Variants in KCNH2 observed in about 807,000 individuals in gnomAD.
KCNH2 encodes voltage-gated inwardly rectifying potassium channel KCNH2.
In KCNH2, 35 loss-of-function variants were observed where a neutral mutation model predicts 95.9. The ratio of observed to expected loss-of-function variants is 0.37; its 90% CI spans 0.28 to 0.48. The LOEUF (loss-of-function observed/expected upper bound fraction) is 0.48. KCNH2 is among the 20% of genes least tolerant of loss of function. The pLI is 0.99. For missense variants in KCNH2, 1,274 were observed against 1,702.9 expected (o/e 0.75, Z 4.43); for synonymous variants, 786 against 754.7 (o/e 1.04, Z -0.68).
intron 9 of KCNH2, chr7:150,949,312 C>T (rs1584848585): frequency 7.2e-7 from 1 of 1,385,290 alleles, no homozygotes; most frequent in African/African-American, 1.5e-5. Flanking sequence ...TACCCCAAAC[C>T]CCAGGTCCCA....
intron 2 of KCNH2, among the ~76,000 whole-genome samples, chr7:150,973,118 G>C (rs139775889): frequency 6.6e-6 from 1 of 152,236 alleles, no homozygotes. Flanking sequence ...AACTTGTCCA[G>C]TAGTGTATAA....
rs531965822 is a variant in KCNH2, at chr7:150,945,343, G to T, written c.*22C>A. ...GCGCCTTGATCCCTGGGTGAGCCACGTGTCCACACTGGGCAGCCCCACTAA... is the reference window on the plus strand; with the variant it reads ...GCGCCTTGATCCCTGGGTGAGCCACTTGTCCACACTGGGCAGCCCCACTAA... On this transcript the variant is annotated 3_prime_UTR_variant, in exon 15 of 15. Transcript: ENST00000262186. The surrounding 1 kb of genome is among the most constrained non-coding windows in gnomAD (Gnocchi z 5.6). The T allele has an allele frequency of 5.7e-6, 9 of 1,578,340 alleles. No homozygotes were observed. Among genetic ancestry groups the T allele is most frequent in the East Asian group, 2.3e-5 (1 of 42,956 alleles).
intron 2 of KCNH2, among the ~76,000 whole-genome samples, chr7:150,971,721 G>C (rs141982640): frequency 6.6e-6 from 1 of 151,848 alleles, no homozygotes; most frequent in Non-Finnish European, 1.5e-5. Context: ...GCAGGCAGAA[G>C]ACAAAGGCAA....
chr7:150,953,539 C>T (rs144816547), intron 5 of KCNH2, among the ~76,000 whole-genome samples: 79 of 152,262 alleles, frequency 5.2e-4, no homozygotes, highest in African/African-American at 1.7e-3. Context: ...TACAGAGGGA[C>T]GTGCACACAG....
chr7:150,972,390 A>G (rs1801863791), intron 2 of KCNH2, among the ~76,000 whole-genome samples: 3 of 152,194 alleles, frequency 2.0e-5, no homozygotes. Context: ...ACACACAGGC[A>G]CGCACACACG....
In KCNH2 at chr7:150,950,309, C is replaced by A. The variant is rs199472991; in HGVS notation, c.2257G>T (p.Ala753Ser). The change falls in exon 9 of 15, where the codon GCC (alanine) becomes TCC (serine). Residue 753 changes from alanine to serine, a missense_variant. By Grantham distance (99) the Ala-to-Ser change is moderately conservative. Around this residue, in one of 7 missense-constraint regions of KCNH2, gnomAD observed 159 missense variants for 282.5 expected, o/e 0.56. Coordinates refer to ENST00000262186, the MANE Select transcript of KCNH2 (RefSeq NM_000238.4). ...FRGATKGCLR[A>S]LAMKFKTTHA... Reference sequence around the variant, plus strand: ...GTGGTCTTGAACTTCATGGCCAGGGCCCGAAGGCAGCCCTTGGTGGCCCCT... The same window carrying A: ...GTGGTCTTGAACTTCATGGCCAGGGACCGAAGGCAGCCCTTGGTGGCCCCT... 2.5e-6 allele frequency: 4 copies of A among 1,613,678 alleles called. No individual in the cohort carries two copies. The highest frequency in any genetic ancestry group is 2.5e-6 in the Non-Finnish European group (3 of 1,180,000).
intron 7 of KCNH2, 85 bp from the exon 8 acceptor site, chr7:150,951,205 C>A: frequency 8.2e-7 from 1 of 1,224,408 alleles, no homozygotes; most frequent in Non-Finnish European, 1.2e-6. Flanking sequence ...CGCACCAGGT[C>A]AGTGTCTCAG....
Position 150,945,593 on chromosome 7 carries a change from G to T in KCNH2, c.3331-79C>A, listed in dbSNP as rs980223397. 7.0e-7 allele frequency: 1 copy of T among 1,429,652 alleles called. No homozygotes were observed. Among genetic ancestry groups the T allele is most frequent in the South Asian group, 1.2e-5 (1 of 81,694 alleles). 88.6% of individuals were successfully genotyped at this position (1,429,652 alleles called of 1,614,324 possible). A position where few individuals can be genotyped will look rare whatever the true frequency, so the allele number is the denominator to read the frequency against. ...GGGAGGGAAAGGGGCAGGAGAACCCGGGGACAGAGGATGGACGGGAGGACA... is the reference window on the plus strand; with the variant it reads ...GGGAGGGAAAGGGGCAGGAGAACCCTGGGACAGAGGATGGACGGGAGGACA... On this transcript the variant is annotated intron_variant, in intron 14 of 14. Transcript: ENST00000262186. This position sits in a 1 kb window ranked among gnomAD's most constrained non-coding sequence, Gnocchi z 5.6.
rs1336631581 is a variant in KCNH2, at chr7:150,958,415, C to G, written c.560G>C (p.Gly187Ala). 1.4e-6 allele frequency: 2 copies of G among 1,434,684 alleles called. No homozygotes were observed. Among genetic ancestry groups the G allele is most frequent in the Non-Finnish European group, 1.8e-6 (2 of 1,103,582 alleles). The allele number at this position is 1,434,684 out of a possible 1,614,324, so 88.9% of individuals were successfully genotyped here. A position where few individuals can be genotyped will look rare whatever the true frequency, so the allele number is the denominator to read the frequency against. Residue 187 changes from glycine (G) to alanine (A), a missense_variant, in exon 4 of 15, where the codon GGC (glycine) becomes GCC (alanine). Physicochemically the swap from Gly to Ala is moderately conservative, Grantham distance 60 (BLOSUM62 0). Transcript: ENST00000262186. ...CACCACGGCCCCCGGGGCGCCCGCGCCGCCCGCGCCGCCCGACCGCACCGA... is the reference window on the plus strand; with the variant it reads ...CACCACGGCCCCCGGGGCGCCCGCGGCGCCCGCGCCGCCCGACCGCACCGA... Reference protein sequence around the residue: ...ESSVRSGGAGGAGAPGAVVVD... With the variant: ...ESSVRSGGAGAAGAPGAVVVD...
chr7:150,954,373 T>A (rs943995710), intron 5 of KCNH2, among the ~76,000 whole-genome samples: 4 of 151,928 alleles, frequency 2.6e-5, no homozygotes, highest in Admixed American at 2.0e-4. Flanking sequence ...AGGTCAAGCC[T>A]CTGGGCGGAG....
At chr7:150,949,329 C>A (rs1801044702) in intron 9 of KCNH2, 2 of 1,363,878 alleles carry the variant, frequency 1.5e-6, no homozygotes, top group Non-Finnish European at 1.9e-6. Flanking sequence ...CCCAAACACC[C>A]TCTTAGCCAA....
intron 5 of KCNH2, chr7:150,955,607 G>A: frequency 7.0e-7 from 1 of 1,437,578 alleles, no homozygotes; most frequent in Admixed American, 2.8e-5. Flanking sequence ...GCACCCCCGA[G>A]GCTGGCCGAC....
Position 150,947,907 on chromosome 7 carries a change from G to C in KCNH2, c.2693-29C>G, listed in dbSNP as rs996210443. The stretch of plus-strand genomic sequence containing the variant: ...TGGGAAACAGAGAATGGGCCTCAGA[G>C]AGGGGAGGAGAACAGAGAGGAGGGG... On this transcript the variant is annotated intron_variant, in intron 11 of 14. Transcript: ENST00000262186. 10 of 1,527,554 alleles carry C rather than the reference G, an allele frequency of 6.5e-6. No homozygotes were observed. In the African/African-American group the frequency reaches 1.4e-4, roughly 21 times the overall value. The allele number at this position is 1,527,554 out of a possible 1,614,324, so 94.6% of individuals were successfully genotyped here. A position where few individuals can be genotyped will look rare whatever the true frequency, so the allele number is the denominator to read the frequency against.
chr7:150,957,267 A>C, intron 5 of KCNH2, 24 bp downstream of exon 5: 1 of 1,543,100 alleles, frequency 6.5e-7, no homozygotes, highest in Non-Finnish European at 8.8e-7. Context: ...AGGTGAGAGG[A>C]GAGCCCGGCC....
Position 150,957,631 on chromosome 7 carries a change from G to A in KCNH2, c.917-129C>T, listed in dbSNP as rs527291171. 1,004 of 738,366 alleles carry A rather than the reference G, an allele frequency of 1.4e-3. 15 individuals are homozygous for A. The South Asian group carries it at 0.015, about 11-fold the overall frequency. 45.7% of individuals were successfully genotyped at this position (738,366 alleles called of 1,614,324 possible). A position where few individuals can be genotyped will look rare whatever the true frequency, so the allele number is the denominator to read the frequency against. Reference sequence around the variant, plus strand: ...CCATGGGGTCAGCTCAAGAGACCAGGGGAGTCACAAGAAACAAGAGAGGTC... The same window carrying A: ...CCATGGGGTCAGCTCAAGAGACCAGAGGAGTCACAAGAAACAAGAGAGGTC... On this transcript the variant is annotated intron_variant, in intron 4 of 14. Transcript: ENST00000262186.
chr7:150,965,277 A>C lies in KCNH2; in HGVS notation c.308-5541T>G, dbSNP rs555569650. Reference sequence around the variant, plus strand: ...TTTATAGGGTCTTGGGGGCCGCTGTAGTCATCTAGACCCACCCAAATCCAC... The same window carrying C: ...TTTATAGGGTCTTGGGGGCCGCTGTCGTCATCTAGACCCACCCAAATCCAC... On this transcript the variant is annotated intron_variant, in intron 2 of 14. Coordinates refer to ENST00000262186, the MANE Select transcript of KCNH2 (RefSeq NM_000238.4). 9.4e-4 allele frequency among the ~76,000 whole-genome samples: 143 copies of C among 152,222 alleles called. 1 individual carries two copies. The highest frequency in any genetic ancestry group is 3.2e-3 in the African/African-American group (131 of 41,522).
At position 150,952,554 on chromosome 7, in the gene KCNH2, G is replaced by C; in HGVS notation, c.1428C>G (p.Val476=). 6.2e-7 allele frequency: 1 copy of C among 1,614,244 alleles called. No homozygotes were observed. Among genetic ancestry groups the C allele is most frequent in the South Asian group, 1.1e-5 (1 of 91,084 alleles). ...GGCTGACCACCTCCTCGTTGGCATTGACGTAGGTGGTGCGGAAGTTGATGA... is the reference window on the plus strand; with the variant it reads ...GGCTGACCACCTCCTCGTTGGCATTCACGTAGGTGGTGCGGAAGTTGATGA... ...DILINFRTTY[V]NANEEVVSHP... Residue 476 remains valine, a synonymous_variant, in exon 6 of 15, where the codon GTC becomes GTG. Coordinates refer to ENST00000262186, the MANE Select transcript of KCNH2 (RefSeq NM_000238.4). This position sits in a 1 kb window ranked among gnomAD's most constrained non-coding sequence, Gnocchi z 7.3.
In KCNH2 at chr7:150,947,393, G is replaced by A; in HGVS notation, c.3087C>T (p.Ser1029=). The change falls in exon 13 of 15, where the codon AGC becomes AGT. Residue 1029 remains serine, a synonymous_variant. Coordinates refer to ENST00000262186, the MANE Select transcript of KCNH2 (RefSeq NM_000238.4). ...CGTCGCCCCGGGGCCGCCGACCCGG[G>A]CTGGAGAGGGGGATGTTGAGGAGGC... ...TPSLLNIPLS[S]PGRRPRGDVE... The A allele has an allele frequency of 1.3e-6, 2 of 1,550,582 alleles. No homozygotes were observed. Among genetic ancestry groups the A allele is most frequent in the East Asian group, 2.4e-5 (1 of 41,248 alleles).
In KCNH2 at chr7:150,950,348, A is replaced by C. The variant is rs756315885; in HGVS notation, c.2218T>G (p.Cys740Gly). 1 of 1,613,122 alleles carries C rather than the reference A, an allele frequency of 6.2e-7. No homozygotes were observed. ...LHLNRSLLQHCKPFRGATKGC... is the reference protein window; with the variant it reads ...LHLNRSLLQHGKPFRGATKGC... ...TTGGTGGCCCCTCGGAAGGGTTTGC[A>C]GTGCTGCAGCAGTGAGCGGTTCAGG... The change falls in exon 9 of 15, where the codon TGC becomes GGC. Residue 740 changes from cysteine to glycine, a missense_variant. Physicochemically the swap from Cys to Gly is radical, Grantham distance 159. Around this residue, in one of 7 missense-constraint regions of KCNH2, gnomAD observed 159 missense variants for 282.5 expected, o/e 0.56. Coordinates refer to ENST00000262186, the MANE Select transcript of KCNH2 (RefSeq NM_000238.4).
Sources: allele counts gnomAD v4.1 joint callset (sites outside exome capture counted in the v4.1 genomes callset), GRCh38; gene constraint gnomAD v4.1.1; regional missense constraint gnomAD v4.1.1; non-coding constraint Gnocchi (gnomAD v3.1); transcripts MANE v1.5; gene names NCBI Gene and HGNC (gene_info 2026-07-23, HGNC 2026-07-21).